The following SERGEF variants were observed in gnomAD, a reference collection of about 807,000 sequenced individuals.
The protein encoded by SERGEF is secretion-regulating guanine nucleotide exchange factor.
SERGEF carries 51 observed loss-of-function variants against 50.0 expected under a neutral mutation model. The observed-to-expected ratio is 1.02, with a 90% CI of 0.81 to 1.29. SERGEF has a LOEUF of 1.29. Ranked by LOEUF, SERGEF falls within the 50% of genes most tolerant of loss-of-function variation. The probability of loss-of-function intolerance (pLI) is 0.00; values close to 1 mark genes in which losing one functional copy is unlikely to be tolerated. For missense variants in SERGEF, 521 were observed against 557.0 expected (o/e 0.94, Z 0.65); for synonymous variants, 205 against 212.4 (o/e 0.97, Z 0.30).
intron 10 of SERGEF, among the ~76,000 whole-genome samples, chr11:17,858,770 A>C (rs573076616): frequency 1.3e-5 from 2 of 152,196 alleles, no homozygotes; most frequent in East Asian, 3.9e-4. Flanking sequence ...CAGGACTACT[A>C]GATAAAACTA....
chr11:17,989,113 A>G (rs1366274651), intron 7 of SERGEF, among the ~76,000 whole-genome samples: 1 of 152,182 alleles, frequency 6.6e-6, no homozygotes, highest in Non-Finnish European at 1.5e-5. Flanking sequence ...TACCTTTTGT[A>G]TGAAAAAAAT....
chr11:17,998,398 CA>C (rs1386650397), intron 5 of SERGEF, among the ~76,000 whole-genome samples: 3 of 145,102 alleles, frequency 2.1e-5, no homozygotes, highest in South Asian at 2.2e-4. Context: ...GCCTGGACAA[CA>C]GGGGGGGACC....
intron 10 of SERGEF, among the ~76,000 whole-genome samples, chr11:17,825,031 C>G (rs1322095517): frequency 6.6e-6 from 1 of 152,176 alleles, no homozygotes; most frequent in Non-Finnish European, 1.5e-5. Flanking sequence ...CCTTGATGGC[C>G]TTGTTATCTG....
rs1851396034 is a variant in SERGEF at position 17,884,632 on chromosome 11, C to G, written c.1012-6388G>C. Reference sequence around the variant, plus strand: ...GGCCATGGCGACACCAGAGAGGCAGCACGGCTGTTTGCTTCTGGAAGAACC... The same window carrying G: ...GGCCATGGCGACACCAGAGAGGCAGGACGGCTGTTTGCTTCTGGAAGAACC... On this transcript the variant is annotated intron_variant, in intron 9 of 10. Coordinates refer to ENST00000265965, the MANE Select transcript of SERGEF (RefSeq NM_012139.4). The surrounding 1 kb of genome is among the most constrained non-coding windows in gnomAD (Gnocchi z 4.6). Among the ~76,000 whole-genome samples the G allele has an allele frequency of 6.6e-6, 1 of 152,188 alleles. No individual in the cohort carries two copies. Among genetic ancestry groups the G allele is most frequent in the Admixed American group, 6.5e-5 (1 of 15,282 alleles).
chr11:17,796,668 G>T (rs1849576661), intron 10 of SERGEF, among the ~76,000 whole-genome samples: 1 of 152,132 alleles, frequency 6.6e-6, no homozygotes, highest in Non-Finnish European at 1.5e-5. Flanking sequence ...CCAGTCTGTG[G>T]TATTCTGTTA....
intron 8 of SERGEF, among the ~76,000 whole-genome samples, chr11:17,978,151 A>AC (rs1303215956): frequency 1.3e-5 from 2 of 152,184 alleles, no homozygotes; most frequent in Non-Finnish European, 2.9e-5. Context: ...AGGGAAATGA[A>AC]CCCTACCTTA....
In SERGEF at chr11:18,004,502, G is replaced by C. The variant is rs375594262; in HGVS notation, c.386C>G (p.Ser129Cys). The C allele has an allele frequency of 6.2e-7, 1 of 1,613,768 alleles. No individual in the cohort carries two copies. The highest frequency in any genetic ancestry group is 8.5e-7 in the Non-Finnish European group (1 of 1,179,832). Residue 129 changes from serine (S) to cysteine (C), a missense_variant, in exon 4 of 11, where the codon TCC (serine) becomes TGC (cysteine). Physicochemically the swap from Ser to Cys is moderately radical, Grantham distance 112. Transcript: ENST00000265965. ...NGQVLSCGSN[S>C]FGQLGVPHGP... ...ATGAGGAACTCCTAACTGGCCAAAG[G>C]AGTTGGATCCACATGATAGAACTTG...
chr11:17,908,092 T>A (rs1248446169), intron 9 of SERGEF, among the ~76,000 whole-genome samples: 1 of 152,220 alleles, frequency 6.6e-6, no homozygotes, highest in Non-Finnish European at 1.5e-5. Context: ...TATCTCTCCC[T>A]TTCTCCAATC....
chr11:17,842,766 T>G (rs1285091175), intron 10 of SERGEF, among the ~76,000 whole-genome samples: 1 of 151,912 alleles, frequency 6.6e-6, no homozygotes, highest in African/African-American at 2.4e-5. Context: ...TTGTGGGGAG[T>G]GATAAGCACT....
chr11:17,950,776 C>T (rs1215190423), intron 9 of SERGEF, among the ~76,000 whole-genome samples: 1 of 152,208 alleles, frequency 6.6e-6, no homozygotes, highest in Non-Finnish European at 1.5e-5. Context: ...TAAACCTCTG[C>T]ATGATTTACT....
intron 8 of SERGEF, among the ~76,000 whole-genome samples, chr11:17,984,286 C>T (rs1372750995): frequency 6.6e-6 from 1 of 152,132 alleles, no homozygotes; most frequent in African/African-American, 2.4e-5. Flanking sequence ...ATAGTTCGAG[C>T]ATTAGCTTCT....
chr11:17,923,530 T>A (rs932133039), intron 9 of SERGEF, among the ~76,000 whole-genome samples: 5 of 152,200 alleles, frequency 3.3e-5, no homozygotes, highest in African/African-American at 9.6e-5. Context: ...CTCATGCACA[T>A]TCCTCACACG....
At chr11:18,000,604 C>T (rs915663177) in intron 4 of SERGEF, 47 bp from the exon 5 acceptor site, 12 of 1,379,082 alleles carry the variant, frequency 8.7e-6, no homozygotes, top group African/African-American at 1.5e-5. Context: ...CATCCATCTA[C>T]AAAATTTTAT....
chr11:17,801,852 C>CT (rs1849675354), intron 10 of SERGEF, among the ~76,000 whole-genome samples: 1 of 152,130 alleles, frequency 6.6e-6, no homozygotes, highest in African/African-American at 2.4e-5. Context: ...AATTTGGTGC[C>CT]TTCATCACTC....
intron 10 of SERGEF, among the ~76,000 whole-genome samples, chr11:17,839,562 GC>G (rs1470395051): frequency 6.6e-6 from 1 of 152,110 alleles, no homozygotes; most frequent in Non-Finnish European, 1.5e-5. Flanking sequence ...CAGTCCTCAG[GC>G]AGAAAAAGGA....
chr11:17,826,915 G>C (rs1417067729), intron 10 of SERGEF, among the ~76,000 whole-genome samples: 2 of 72,098 alleles, frequency 2.8e-5, no homozygotes, highest in African/African-American at 1.0e-4. Flanking sequence ...TCTCCAGCAG[G>C]GCCCTGCAAG....
chr11:17,908,666 T>C (rs1003747551), intron 9 of SERGEF, among the ~76,000 whole-genome samples: 1 of 152,042 alleles, frequency 6.6e-6, no homozygotes, highest in Non-Finnish European at 1.5e-5. Context: ...AAACAGTTGA[T>C]GAATGAGTGA....
chr11:17,824,664 C>A (rs578146200), intron 10 of SERGEF, among the ~76,000 whole-genome samples: 1 of 152,216 alleles, frequency 6.6e-6, no homozygotes, highest in South Asian at 2.1e-4. Flanking sequence ...CCCTGGCCTG[C>A]AGATGGCTGC....
intron 10 of SERGEF, among the ~76,000 whole-genome samples, chr11:17,868,595 CT>C (rs1304244366): frequency 6.6e-6 from 1 of 152,164 alleles, no homozygotes; most frequent in Non-Finnish European, 1.5e-5. Context: ...TTTCGGGTAT[CT>C]TTTCAGCAGC....
Sources: allele counts gnomAD v4.1 joint callset (sites outside exome capture counted in the v4.1 genomes callset), GRCh38; gene constraint gnomAD v4.1.1; non-coding constraint Gnocchi (gnomAD v3.1); transcripts MANE v1.5; gene names NCBI Gene and HGNC (gene_info 2026-07-23, HGNC 2026-07-21).